SLC24A3: variants seen among roughly 807,000 people sequenced by gnomAD.
The protein encoded by SLC24A3 is solute carrier family 24 member 3.
A neutral mutation model predicts 75.8 loss-of-function variants in SLC24A3; 28 were observed. The observed-to-expected ratio is 0.37, with a 90% confidence interval of 0.27 to 0.51. The LOEUF is 0.51. Ranked by LOEUF, SLC24A3 falls within the 20% of genes least tolerant of loss-of-function variation. The pLI is 0.94. For missense variants in SLC24A3, 663 were observed against 847.8 expected, an observed-to-expected ratio of 0.78 and a Z score of 2.71; for synonymous variants, 372 against 334.1, an observed-to-expected ratio of 1.11 and a Z score of -1.24.
chr20:19,549,864 A>G (rs1051817553), intron 3 of SLC24A3, among the ~76,000 whole-genome samples: 1 of 152,218 alleles, frequency 6.6e-6, no homozygotes, highest in African/African-American at 2.4e-5. Context: ...TGAGGGGTTA[A>G]ATGATTGAAA....
intron 2 of SLC24A3, among the ~76,000 whole-genome samples, chr20:19,462,582 G>A (rs890177419): frequency 2.6e-5 from 4 of 152,252 alleles, no homozygotes; most frequent in Non-Finnish European, 5.9e-5. Context: ...CCGCTGGGAT[G>A]AGCCTGGGAG....
At chr20:19,505,233 A>G (rs1479887175) in intron 2 of SLC24A3, among the ~76,000 whole-genome samples, 1 of 152,176 alleles carries the variant, frequency 6.6e-6, no homozygotes, top group Non-Finnish European at 1.5e-5. Flanking sequence ...ATGTTGGATC[A>G]ACTTCAGCAT....
chr20:19,435,262 A>G (rs1347986382), intron 2 of SLC24A3, among the ~76,000 whole-genome samples: 3 of 152,376 alleles, frequency 2.0e-5, no homozygotes, highest in Admixed American at 6.5e-5. Context: ...TAAAATGAGC[A>G]TAACAGCACC....
chr20:19,254,805 G>A (rs1228844803), intron 1 of SLC24A3, among the ~76,000 whole-genome samples: 1 of 152,094 alleles, frequency 6.6e-6, no homozygotes, highest in African/African-American at 2.4e-5. Flanking sequence ...TTTCTCCAGG[G>A]CAGCATGGTG....
At chr20:19,553,018 C>A (rs1253948181) in intron 3 of SLC24A3, among the ~76,000 whole-genome samples, 1 of 150,800 alleles carries the variant, frequency 6.6e-6, no homozygotes, top group African/African-American at 2.4e-5. Flanking sequence ...CTCCATCCCT[C>A]CCTCCTCCCT....
intron 2 of SLC24A3, among the ~76,000 whole-genome samples, chr20:19,352,746 G>T (rs548501661): frequency 6.6e-6 from 1 of 152,166 alleles, no homozygotes; most frequent in Admixed American, 6.5e-5. Context: ...TGTTGGTGGG[G>T]AAGAGACATT....
At chr20:19,645,742 G>A (rs1263515002) in intron 6 of SLC24A3, among the ~76,000 whole-genome samples, 1 of 152,000 alleles carries the variant, frequency 6.6e-6, no homozygotes, top group Non-Finnish European at 1.5e-5. Context: ...TTCTAATCAG[G>A]CCAAACAACC....
chr20:19,376,955 A>T (rs1986094076), intron 2 of SLC24A3, among the ~76,000 whole-genome samples: 1 of 152,342 alleles, frequency 6.6e-6, no homozygotes, highest in East Asian at 1.9e-4. Context: ...GGTGTTAATT[A>T]TGCAGTTCAG....
At chr20:19,435,109 C>T (rs533866224) in intron 2 of SLC24A3, among the ~76,000 whole-genome samples, 30 of 152,330 alleles carry the variant, frequency 2.0e-4, no homozygotes, top group African/African-American at 6.7e-4. Context: ...CAAATGCTGC[C>T]CTCTCTATTT....
intron 8 of SLC24A3, among the ~76,000 whole-genome samples, chr20:19,667,687 C>G (rs1473176280): frequency 6.6e-6 from 1 of 152,206 alleles, no homozygotes; most frequent in Non-Finnish European, 1.5e-5. Context: ...ACCTCCATGG[C>G]ATTGCTGTAT....
chr20:19,369,194 C>A (rs532536704), intron 2 of SLC24A3, among the ~76,000 whole-genome samples: 4 of 152,122 alleles, frequency 2.6e-5, no homozygotes, highest in African/African-American at 4.8e-5. Flanking sequence ...AGTGGAGGAA[C>A]CTGGCCGCCT....
rs147145773 is a variant in SLC24A3, at chr20:19,629,130, A to AAC, written c.613-24916_613-24915dup. ...CATAAAAATGCCCAATGAGCTATAA[A>AAC]ACACACACACACACACAGACAACTA... On this transcript the variant is annotated intron_variant, in intron 6 of 16. Coordinates refer to ENST00000328041, the MANE Select transcript of SLC24A3 (RefSeq NM_020689.4). Among the ~76,000 whole-genome samples, 1,303 of 151,054 alleles carry AAC rather than the reference A, an allele frequency of 8.6e-3. 7 individuals carry two copies. The highest frequency in any genetic ancestry group is 0.028 in the Middle Eastern group (8 of 290).
intron 1 of SLC24A3, among the ~76,000 whole-genome samples, chr20:19,258,480 C>T (rs892622491): frequency 7.2e-5 from 11 of 152,194 alleles, no homozygotes; most frequent in Non-Finnish European, 1.2e-4. Context: ...CTGAGGTGGG[C>T]GGATCACGAG....
intron 1 of SLC24A3, among the ~76,000 whole-genome samples, chr20:19,255,353 G>T (rs1045466224): frequency 2.0e-5 from 3 of 152,226 alleles, no homozygotes; most frequent in African/African-American, 7.2e-5. Flanking sequence ...TCGTGGCTGG[G>T]CTGTCCCAAT....
chr20:19,363,718 CTGTT>C (rs764566723), intron 2 of SLC24A3, among the ~76,000 whole-genome samples: 23 of 152,304 alleles, frequency 1.5e-4, no homozygotes, highest in Admixed American at 3.9e-4. Context: ...CTACAACAGA[CTGTT>C]TGGAGCCTTA....
intron 2 of SLC24A3, among the ~76,000 whole-genome samples, chr20:19,386,555 A>G (rs1460866074): frequency 1.3e-5 from 2 of 152,138 alleles, no homozygotes; most frequent in Non-Finnish European, 2.9e-5. Flanking sequence ...TGGGTTTCTC[A>G]TAAGTGATCT....
chr20:19,583,464 G>T (rs552044774), intron 4 of SLC24A3, among the ~76,000 whole-genome samples: 1 of 152,240 alleles, frequency 6.6e-6, no homozygotes, highest in African/African-American at 2.4e-5. Context: ...GCTTTTCAGG[G>T]CTCTGTCATG....
chr20:19,219,080 T>C (rs938303408), intron 1 of SLC24A3, among the ~76,000 whole-genome samples: 1 of 152,276 alleles, frequency 6.6e-6, no homozygotes, highest in Admixed American at 6.5e-5. Flanking sequence ...GATTATCCTG[T>C]AGCATTTGAG....
intron 6 of SLC24A3, among the ~76,000 whole-genome samples, chr20:19,645,721 CAAAG>C (rs912758816): frequency 1.3e-5 from 2 of 152,028 alleles, no homozygotes; most frequent in African/African-American, 4.8e-5. Flanking sequence ...TAACAAGAAA[CAAAG>C]AAAAAATTCT....
Sources: allele counts gnomAD v4.1 joint callset (sites outside exome capture counted in the v4.1 genomes callset), GRCh38; gene constraint gnomAD v4.1.1; transcripts MANE v1.5; gene names NCBI Gene and HGNC (gene_info 2026-07-23, HGNC 2026-07-21).